Variants in AGBL1 observed in about 807,000 individuals in gnomAD.
AGBL1 encodes the protein cytosolic carboxypeptidase 4.
AGBL1 carries 130 observed loss-of-function variants against 118.9 expected under a neutral mutation model. The ratio of observed to expected loss-of-function variants is 1.09; its 90% CI spans 0.95 to 1.26. The LOEUF (loss-of-function observed/expected upper bound fraction) is 1.26, where lower values mean the gene tolerates loss of function less well. AGBL1 is among the 50% of genes most tolerant of loss of function. AGBL1 has a pLI of 0.00. For missense variants in AGBL1, 1,584 were observed against 1,298.1 expected, an observed-to-expected ratio of 1.22 and a Z score of -3.38; for synonymous variants, 555 against 478.9, an observed-to-expected ratio of 1.16 and a Z score of -2.08.
At chr15:86,738,576 G>T (rs1864611351) in intron 22 of AGBL1, among the ~76,000 whole-genome samples, 1 of 152,040 alleles carries the variant, frequency 6.6e-6, no homozygotes, top group South Asian at 2.1e-4. Flanking sequence ...TTAACTACAT[G>T]GGTTTTTCTG....
At chr15:86,935,323 A>C (rs2141642672) in intron 23 of AGBL1, 1 of 152,356 alleles carries the variant, frequency 6.6e-6, no homozygotes, top group South Asian at 2.1e-4. Flanking sequence ...ATGGTTATAC[A>C]TGTGACATTA....
chr15:86,131,842 C>T (rs1184536300), intron 1 of AGBL1, among the ~76,000 whole-genome samples: 4 of 150,510 alleles, frequency 2.7e-5, no homozygotes, highest in African/African-American at 7.4e-5. Context: ...CCCAGCTACT[C>T]GGGAGGCTGA....
At chr15:86,885,441 C>T (rs1355747159) in intron 22 of AGBL1, among the ~76,000 whole-genome samples, 1 of 152,114 alleles carries the variant, frequency 6.6e-6, no homozygotes, top group Non-Finnish European at 1.5e-5. Flanking sequence ...AAATACTTCA[C>T]AACTATTAAA....
intron 18 of AGBL1, among the ~76,000 whole-genome samples, chr15:86,439,730 C>G (rs1373131825): frequency 6.6e-6 from 1 of 152,150 alleles, no homozygotes; most frequent in Non-Finnish European, 1.5e-5. Flanking sequence ...TCTTGTGGTT[C>G]TCAATTAAAT....
intron 18 of AGBL1, among the ~76,000 whole-genome samples, chr15:86,489,369 A>G (rs2082750940): frequency 6.6e-6 from 1 of 152,150 alleles, no homozygotes; most frequent in Admixed American, 6.5e-5. Context: ...AGTGCCCTAT[A>G]TTTGTAAAAT....
rs1246267274 is a variant in AGBL1, at chr15:86,492,930, T to C, written c.2556-29880T>C. On this transcript the variant is annotated intron_variant, in intron 18 of 22. Coordinates refer to ENST00000614907, the MANE Select transcript of AGBL1 (RefSeq NM_001386094.1). ...TAGGCCAGGATTATAGGCTCACGCC[T>C]GTAATCCCAGCACTTTGGGAGACTG... 2.0e-5 allele frequency among the ~76,000 whole-genome samples: 3 copies of C among 152,064 alleles called. No individual in the cohort carries two copies. In the East Asian group the frequency reaches 5.9e-4, roughly 30 times the overall value.
At chr15:86,384,365 C>G (rs1384525158) in intron 17 of AGBL1, among the ~76,000 whole-genome samples, 1 of 152,122 alleles carries the variant, frequency 6.6e-6, no homozygotes, top group African/African-American at 2.4e-5. Context: ...GCAAACATCC[C>G]TAAGTGAAAT....
At chr15:86,590,642 C>A (rs961163285) in intron 21 of AGBL1, among the ~76,000 whole-genome samples, 4 of 152,108 alleles carry the variant, frequency 2.6e-5, no homozygotes, top group Non-Finnish European at 5.9e-5. Flanking sequence ...CAGGTAGCAA[C>A]CCTCAGAGAC....
At chr15:86,455,921 C>T (rs1383083042) in intron 18 of AGBL1, among the ~76,000 whole-genome samples, 2 of 152,148 alleles carry the variant, frequency 1.3e-5, no homozygotes, top group Admixed American at 6.6e-5. Context: ...CATCCATCTA[C>T]CTACCTACCC....
At chr15:86,278,387 G>A (rs542663999) in intron 15 of AGBL1, among the ~76,000 whole-genome samples, 1 of 152,218 alleles carries the variant, frequency 6.6e-6, no homozygotes, top group East Asian at 1.9e-4. Flanking sequence ...GAAGATAAAG[G>A]TATCAGGCCA....
At chr15:86,458,967 T>TA (rs2142081970) in intron 18 of AGBL1, among the ~76,000 whole-genome samples, 1 of 152,310 alleles carries the variant, frequency 6.6e-6, no homozygotes, top group South Asian at 2.1e-4. Flanking sequence ...ATTACTAACG[T>TA]ATCACTGTAC....
intron 22 of AGBL1, among the ~76,000 whole-genome samples, chr15:86,827,436 T>C (rs375924052): frequency 1.1e-3 from 11 of 9,798 alleles, no homozygotes; most frequent in African/African-American, 3.9e-3. Context: ...TATACACATA[T>C]ATATATGTGT....
intron 23 of AGBL1, among the ~76,000 whole-genome samples, chr15:86,925,715 CTTTTCTTT>C (rs2080529810): frequency 5.1e-5 from 7 of 136,024 alleles, no homozygotes; most frequent in African/African-American, 1.4e-4. Context: ...TTTTCTTTTT[CTTTTCTTT>C]TTTTTTTTTT....
At chr15:86,645,230 T>A (rs768035792) in intron 21 of AGBL1, among the ~76,000 whole-genome samples, 9 of 152,182 alleles carry the variant, frequency 5.9e-5, no homozygotes, top group African/African-American at 9.7e-5. Context: ...TGTTTTAGGA[T>A]CTGTAAGCTA....
At chr15:86,488,907 G>GA (rs199509843) in intron 18 of AGBL1, among the ~76,000 whole-genome samples, 1,674 of 148,626 alleles carry the variant, frequency 0.011, 25 homozygotes, top group African/African-American at 0.037. Flanking sequence ...CTCTTGATAG[G>GA]AAAAAAAAAA....
At chr15:86,111,927 C>G (rs1023983318) in intron 1 of AGBL1, among the ~76,000 whole-genome samples, 6 of 152,180 alleles carry the variant, frequency 3.9e-5, no homozygotes, top group Admixed American at 3.9e-4. Context: ...GCATTAGATT[C>G]TCATAGGAGC....
At chr15:86,311,794 T>C (rs2079925396) in intron 17 of AGBL1, among the ~76,000 whole-genome samples, 1 of 152,200 alleles carries the variant, frequency 6.6e-6, no homozygotes, top group Non-Finnish European at 1.5e-5. Context: ...TTCTGATCTG[T>C]GAGGCTTGCT....
intron 22 of AGBL1, among the ~76,000 whole-genome samples, chr15:86,703,870 T>C (rs1309667491): frequency 6.6e-6 from 1 of 152,058 alleles, no homozygotes; most frequent in African/African-American, 2.4e-5. Flanking sequence ...GGAGGCATCA[T>C]GCTACCAGAG....
chr15:86,582,576 G>A (rs887518161), intron 21 of AGBL1, among the ~76,000 whole-genome samples: 1 of 152,012 alleles, frequency 6.6e-6, no homozygotes, highest in Non-Finnish European at 1.5e-5. Context: ...GTTTATTGAG[G>A]CACTATTCAC....
Sources: allele counts gnomAD v4.1 joint callset (sites outside exome capture counted in the v4.1 genomes callset), GRCh38; gene constraint gnomAD v4.1.1; transcripts MANE v1.5; gene names NCBI Gene and HGNC (gene_info 2026-07-23, HGNC 2026-07-21).